Variants in RIT2 observed in about 807,000 individuals in gnomAD.
RIT2 encodes GTP-binding protein Rit2.
Under a neutral mutation model 23.7 loss-of-function variants are expected in RIT2, and 24 were observed. That is an observed-to-expected ratio of 1.01 (90% CI 0.73 to 1.43). The LOEUF (loss-of-function observed/expected upper bound fraction) is 1.43, where lower values mean the gene tolerates loss of function less well. Ranked by LOEUF, RIT2 falls within the 40% of genes most tolerant of loss-of-function variation. RIT2 has a pLI of 0.00. For synonymous variants in RIT2, 107 were observed against 91.1 expected, an observed-to-expected ratio of 1.17 and a Z score of -0.99; for missense variants, 236 against 266.9, an observed-to-expected ratio of 0.88 and a Z score of 0.81.
chr18:43,027,767 C>T (rs1911766821), intron 2 of RIT2, among the ~76,000 whole-genome samples: 1 of 151,962 alleles, frequency 6.6e-6, no homozygotes, highest in African/African-American at 2.4e-5. Flanking sequence ...AAAGTGAGAC[C>T]AGGCTTCACG....
chr18:43,033,938 G>C (rs1453021008), intron 1 of RIT2, 71 bp from the exon 2 acceptor site: 17 of 1,018,766 alleles, frequency 1.7e-5, no homozygotes, highest in Non-Finnish European at 2.4e-5. Context: ...TACCAACATA[G>C]TCCACCAATC....
At chr18:42,767,892 T>C (rs1450916380) in intron 4 of RIT2, among the ~76,000 whole-genome samples, 3 of 152,158 alleles carry the variant, frequency 2.0e-5, no homozygotes, top group Non-Finnish European at 2.9e-5. Flanking sequence ...GCCACCACCA[T>C]GTAAGAAGTG....
intron 1 of RIT2, among the ~76,000 whole-genome samples, chr18:43,077,456 G>C (rs1392324928): frequency 6.6e-6 from 1 of 152,048 alleles, no homozygotes; most frequent in Non-Finnish European, 1.5e-5. Context: ...TCGTTGGGTA[G>C]CTTCTATTCC....
At chr18:42,983,917 C>A (rs957388176) in intron 2 of RIT2, among the ~76,000 whole-genome samples, 4 of 152,006 alleles carry the variant, frequency 2.6e-5, no homozygotes, top group African/African-American at 9.7e-5. Context: ...GATGGATACA[C>A]AGAATGTTAC....
intron 4 of RIT2, among the ~76,000 whole-genome samples, chr18:42,907,442 G>C (rs949933327): frequency 3.3e-5 from 5 of 152,118 alleles, no homozygotes; most frequent in Admixed American, 2.6e-4. Context: ...TGAGCACAAT[G>C]ATAAAGACAT....
chr18:42,758,914 T>C (rs558744248), intron 4 of RIT2, among the ~76,000 whole-genome samples: 1 of 152,300 alleles, frequency 6.6e-6, no homozygotes, highest in East Asian at 1.9e-4. Flanking sequence ...TCCTTGATTC[T>C]GACCAGGACT....
intron 3 of RIT2, among the ~76,000 whole-genome samples, chr18:42,927,255 A>C (rs903703884): frequency 4.0e-5 from 6 of 151,886 alleles, no homozygotes; most frequent in Non-Finnish European, 8.8e-5. Flanking sequence ...TCTTTCCACC[A>C]ATAAAACAGA....
At chr18:42,795,145 C>T (rs1914128570) in intron 4 of RIT2, among the ~76,000 whole-genome samples, 1 of 152,218 alleles carries the variant, frequency 6.6e-6, no homozygotes, top group African/African-American at 2.4e-5. Flanking sequence ...CCCACTTTGG[C>T]GGCACTTGAG....
intron 4 of RIT2, among the ~76,000 whole-genome samples, chr18:42,909,909 T>C (rs1325321615): frequency 6.6e-6 from 1 of 152,042 alleles, no homozygotes; most frequent in African/African-American, 2.4e-5. Flanking sequence ...TTATATTTTA[T>C]AGTTGGAGCA....
chr18:43,043,297 G>T (rs1225966321), intron 1 of RIT2, among the ~76,000 whole-genome samples: 1 of 152,060 alleles, frequency 6.6e-6, no homozygotes, highest in Non-Finnish European at 1.5e-5. Flanking sequence ...TGGGCCATAG[G>T]ACCCCAAAGC....
At chr18:42,891,159 A>G (rs1233001805) in intron 4 of RIT2, among the ~76,000 whole-genome samples, 3 of 152,162 alleles carry the variant, frequency 2.0e-5, no homozygotes, top group African/African-American at 7.2e-5. Context: ...CAGAGTAGAG[A>G]TGCAACCCTG....
chr18:43,085,130 A>G (rs147617387), intron 1 of RIT2, among the ~76,000 whole-genome samples: 3,268 of 152,212 alleles, frequency 0.021, 53 homozygotes, highest in Admixed American at 0.044. Context: ...TATCTTTTTA[A>G]AAGTATTTAT....
intron 4 of RIT2, among the ~76,000 whole-genome samples, chr18:42,855,382 A>T (rs1907154941): frequency 6.6e-6 from 1 of 152,220 alleles, no homozygotes; most frequent in East Asian, 1.9e-4. Flanking sequence ...GAAAGGGAAG[A>T]ATAGTCATTC....
intron 4 of RIT2, among the ~76,000 whole-genome samples, chr18:42,806,177 A>C (rs1382057462): frequency 6.7e-6 from 1 of 150,168 alleles, no homozygotes; most frequent in African/African-American, 2.4e-5. Context: ...GGCTTTTTAA[A>C]GTTTATTTTG....
At chr18:42,949,813 AG>A (rs963953640) in intron 3 of RIT2, among the ~76,000 whole-genome samples, 17 of 152,116 alleles carry the variant, frequency 1.1e-4, no homozygotes, top group Non-Finnish European at 2.2e-4. Flanking sequence ...AAAAAATAAA[AG>A]TCTCACTGAA....
chr18:42,986,197 G>A (rs992846666), intron 2 of RIT2, among the ~76,000 whole-genome samples: 7 of 151,710 alleles, frequency 4.6e-5, no homozygotes, highest in Non-Finnish European at 1.5e-5. Context: ...CCACCACCAC[G>A]CCTGGCTAAT....
chr18:43,083,661 T>G (rs958949175), intron 1 of RIT2, among the ~76,000 whole-genome samples: 31 of 152,164 alleles, frequency 2.0e-4, no homozygotes, highest in African/African-American at 7.2e-4. Flanking sequence ...TAAATGGTGT[T>G]GGGAAAACTG....
chr18:43,019,130 A>G (rs1163949925), intron 2 of RIT2, among the ~76,000 whole-genome samples: 1 of 151,944 alleles, frequency 6.6e-6, no homozygotes, highest in African/African-American at 2.4e-5. Flanking sequence ...TGATGCAAAT[A>G]TATGTTACCT....
chr18:42,907,535 A>G (rs574334516), intron 4 of RIT2, among the ~76,000 whole-genome samples: 1 of 152,336 alleles, frequency 6.6e-6, no homozygotes, highest in African/African-American at 2.4e-5. Context: ...AGAAAACATA[A>G]ATAGGATTAT....
Sources: allele counts gnomAD v4.1 joint callset (sites outside exome capture counted in the v4.1 genomes callset), GRCh38; gene constraint gnomAD v4.1.1; transcripts MANE v1.5; gene names NCBI Gene and HGNC (gene_info 2026-07-23, HGNC 2026-07-21).